The following WWOX variants were observed in gnomAD, a reference collection of about 807,000 sequenced individuals.
The protein encoded by WWOX is WW domain containing oxidoreductase, also known as WW domain-containing oxidoreductase.
Under a neutral mutation model 46.2 loss-of-function variants are expected in WWOX, and 69 were observed. That is an observed-to-expected ratio of 1.49 (90% CI 1.23 to 1.82). WWOX has a LOEUF of 1.82. WWOX is among the 40% of genes most tolerant of loss of function. The pLI is 0.00. For missense variants in WWOX, 919 were observed against 542.6 expected (o/e 1.69, Z -6.89); for synonymous variants, 359 against 202.6 (o/e 1.77, Z -6.56).
chr16:78,143,442 C>T (rs1052731789), intron 4 of WWOX, among the ~76,000 whole-genome samples: 4 of 152,222 alleles, frequency 2.6e-5, no homozygotes, highest in Admixed American at 1.3e-4. Flanking sequence ...GGACCAAATC[C>T]AGCCCCCCGA....
intron 8 of WWOX, among the ~76,000 whole-genome samples, chr16:78,700,506 A>G (rs1467802757): frequency 3.3e-5 from 5 of 152,198 alleles, no homozygotes; most frequent in South Asian, 2.1e-4. Flanking sequence ...TATTCAGTCC[A>G]TAGCATGAAC....
intron 5 of WWOX, among the ~76,000 whole-genome samples, chr16:78,228,496 C>G (rs12921948): frequency 1.3e-5 from 2 of 151,882 alleles, no homozygotes; most frequent in African/African-American, 4.8e-5. Context: ...TGCTTGCCAC[C>G]ATGCCCAACT....
intron 1 of WWOX, among the ~76,000 whole-genome samples, chr16:78,103,474 G>A (rs925702965): frequency 6.6e-6 from 1 of 151,926 alleles, no homozygotes; most frequent in African/African-American, 2.4e-5. Flanking sequence ...TGGACCTTGT[G>A]TCCGTCCCTG....
chr16:78,981,151 A>C (rs1465426662), intron 8 of WWOX, among the ~76,000 whole-genome samples: 3 of 152,094 alleles, frequency 2.0e-5, no homozygotes, highest in East Asian at 1.9e-4. Flanking sequence ...GGACCGTTGT[A>C]CTGCAGCACT....
chr16:78,617,230 G>C (rs936133427), intron 8 of WWOX, among the ~76,000 whole-genome samples: 1 of 151,908 alleles, frequency 6.6e-6, no homozygotes, highest in Non-Finnish European at 1.5e-5. Context: ...TGGGCAACAC[G>C]GTGAAACTAA....
chr16:78,967,481 T>TTC lies in WWOX; in HGVS notation c.1057-244127_1057-244126insTC, dbSNP rs1491178865. ...GTGGTTTTTTTTTTTTTTTTTTTTT[T>TTC]CCTGCTGAGATGGGGATTTCACCAT... On this transcript the variant is annotated intron_variant, in intron 8 of 8. Coordinates refer to ENST00000566780, the MANE Select transcript of WWOX (RefSeq NM_016373.4). Among the ~76,000 whole-genome samples, 37 of 127,090 alleles carry TTC rather than the reference T, an allele frequency of 2.9e-4. 1 individual carries two copies. The highest frequency in any genetic ancestry group is 7.9e-5 in the Admixed American group (1 of 12,676). The allele number at this position is 127,090 out of a possible 152,430, so 83.4% of individuals were successfully genotyped here.
chr16:78,788,084 A>G (rs899651842), intron 8 of WWOX, among the ~76,000 whole-genome samples: 4 of 152,106 alleles, frequency 2.6e-5, no homozygotes, highest in African/African-American at 4.8e-5. Flanking sequence ...TTTTCTCTCA[A>G]TCTATGGGTA....
intron 8 of WWOX, among the ~76,000 whole-genome samples, chr16:78,962,783 T>G (rs2151313981): frequency 6.6e-6 from 1 of 152,308 alleles, no homozygotes; most frequent in East Asian, 1.9e-4. Flanking sequence ...AGAAGGCTCA[T>G]CTGTTCCCCT....
chr16:79,136,833 A>C (rs923110050), intron 8 of WWOX, among the ~76,000 whole-genome samples: 9 of 152,240 alleles, frequency 5.9e-5, no homozygotes, highest in Non-Finnish European at 1.0e-4. Flanking sequence ...GGAACTTCTT[A>C]ACATTTCCAG....
At chr16:78,938,670 T>C (rs1288314452) in intron 8 of WWOX, among the ~76,000 whole-genome samples, 1 of 152,148 alleles carries the variant, frequency 6.6e-6, no homozygotes, top group Non-Finnish European at 1.5e-5. Context: ...TACTAACTAA[T>C]GGGGAGATAG....
chr16:78,115,296 C>A, intron 4 of WWOX, 142 bp downstream of exon 4: 1 of 1,027,550 alleles, frequency 9.7e-7, no homozygotes, highest in Non-Finnish European at 1.5e-6. Flanking sequence ...ATTAACATCA[C>A]TACCTCTTTT....
intron 8 of WWOX, among the ~76,000 whole-genome samples, chr16:78,884,347 A>G (rs1431535854): frequency 6.6e-6 from 1 of 152,038 alleles, no homozygotes; most frequent in African/African-American, 2.4e-5. Context: ...TACATTTGCC[A>G]AAAGACAAGT....
chr16:78,295,195 A>C (rs958337422), intron 5 of WWOX, among the ~76,000 whole-genome samples: 1 of 152,174 alleles, frequency 6.6e-6, no homozygotes, highest in African/African-American at 2.4e-5. Context: ...TATCATCTAC[A>C]ACCCTGCAGA....
chr16:78,905,209 C>G (rs1412351183), intron 8 of WWOX, among the ~76,000 whole-genome samples: 1 of 152,070 alleles, frequency 6.6e-6, no homozygotes, highest in Non-Finnish European at 1.5e-5. Flanking sequence ...GATGGCCAAT[C>G]TCAGGAGAGG....
chr16:79,209,901 T>C (rs1020014734), intron 8 of WWOX, among the ~76,000 whole-genome samples: 2 of 152,220 alleles, frequency 1.3e-5, no homozygotes, highest in African/African-American at 4.8e-5. Context: ...CATGAACTCA[T>C]TTCCATTAGA....
intron 8 of WWOX, among the ~76,000 whole-genome samples, chr16:78,641,321 G>C (rs910757298): frequency 6.6e-6 from 1 of 152,016 alleles, no homozygotes; most frequent in Non-Finnish European, 1.5e-5. Flanking sequence ...ACCCATCCTG[G>C]AGAGAAAAAG....
chr16:78,424,432 T>G (rs568833455), intron 6 of WWOX, among the ~76,000 whole-genome samples: 1 of 152,190 alleles, frequency 6.6e-6, no homozygotes, highest in East Asian at 1.9e-4. Context: ...GTGTCAGCCT[T>G]TTTAACAGCA....
intron 5 of WWOX, among the ~76,000 whole-genome samples, chr16:78,356,483 G>T (rs1047940098): frequency 1.3e-5 from 2 of 152,152 alleles, no homozygotes; most frequent in African/African-American, 4.8e-5. Context: ...TCTCTAGTTT[G>T]TTGTAAGTCG....
intron 8 of WWOX, among the ~76,000 whole-genome samples, chr16:78,883,509 A>C (rs1020836554): frequency 6.6e-6 from 1 of 152,138 alleles, no homozygotes; most frequent in East Asian, 1.9e-4. Context: ...TGATCACTTG[A>C]GGTCAGGAGT....
Sources: allele counts gnomAD v4.1 joint callset (sites outside exome capture counted in the v4.1 genomes callset), GRCh38; gene constraint gnomAD v4.1.1; transcripts MANE v1.5; gene names NCBI Gene and HGNC (gene_info 2026-07-23, HGNC 2026-07-21).